CAST: variants seen among roughly 807,000 people sequenced by gnomAD.
The protein encoded by CAST is calpastatin.
A neutral mutation model predicts 119.6 loss-of-function variants in CAST; 76 were observed. The observed-to-expected ratio is 0.64, with a 90% CI of 0.53 to 0.77. The LOEUF is 0.77. CAST is among the 30% of genes least tolerant of loss of function. The pLI is 0.00. For missense variants in CAST, 953 were observed against 946.5 expected (o/e 1.01, Z -0.09); for synonymous variants, 319 against 331.6 (o/e 0.96, Z 0.41).
chr5:96,322,123 C>G, the CAST span, among the ~76,000 whole-genome samples: 1 of 152,198 alleles, frequency 6.6e-6, no homozygotes, highest in Middle Eastern at 3.4e-3. Flanking sequence ...AGAAGGGAGT[C>G]TATTTTATCT....
chr5:96,639,435 A>G (rs1747923310), intron 1 of CAST, among the ~76,000 whole-genome samples: 1 of 152,212 alleles, frequency 6.6e-6, no homozygotes, highest in Non-Finnish European at 1.5e-5. Flanking sequence ...TAATCTTCAC[A>G]TTTTATCTCC....
At chr5:96,102,669 C>T in the CAST span, among the ~76,000 whole-genome samples, 1 of 151,808 alleles carries the variant, frequency 6.6e-6, no homozygotes, top group African/African-American at 2.4e-5. Flanking sequence ...TGTGATGAAC[C>T]TCTTGCCTAA....
chr5:96,174,952 T>G, the CAST span, among the ~76,000 whole-genome samples: 1 of 152,186 alleles, frequency 6.6e-6, no homozygotes, highest in Non-Finnish European at 1.5e-5. Context: ...CTAGGCAAAC[T>G]GATATTAATA....
chr5:96,614,975 C>T (rs1214085344), intron 1 of CAST, among the ~76,000 whole-genome samples: 3 of 152,094 alleles, frequency 2.0e-5, no homozygotes, highest in African/African-American at 7.2e-5. Context: ...TATAGGCAGC[C>T]CCCAAATTTC....
chr5:96,447,336 G>T, the CAST span, among the ~76,000 whole-genome samples: 1 of 152,216 alleles, frequency 6.6e-6, no homozygotes, highest in African/African-American at 2.4e-5. Flanking sequence ...TCAGGCAGTG[G>T]CAGAAGTCAT....
the CAST span, among the ~76,000 whole-genome samples, chr5:96,014,144 ATT>A: frequency 1.6e-3 from 227 of 143,474 alleles, no homozygotes; most frequent in African/African-American, 5.3e-3. Context: ...TTTTGTATTC[ATT>A]TTTTTTTTTT....
Position 96,768,000 on chromosome 5 carries a change from G to T in CAST, c.2268+1G>T. Reference sequence around the variant, plus strand: ...AGAAACCTCACAGAACACAGCAAAGGTACTGTGCTTTTTCACATTTCACTC... The same window carrying T: ...AGAAACCTCACAGAACACAGCAAAGTTACTGTGCTTTTTCACATTTCACTC... On this transcript the variant is annotated splice_donor_variant, in intron 29 of 31. Coordinates refer to ENST00000675179, the MANE Select transcript of CAST (RefSeq NM_001750.7). LOFTEE classifies it high-confidence loss of function. 1 of 1,599,128 alleles carries T rather than the reference G, an allele frequency of 6.3e-7. No individual in the cohort carries two copies. The highest frequency in any genetic ancestry group is 1.3e-5 in the African/African-American group (1 of 74,672).
chr5:96,449,538 G>A, the CAST span, among the ~76,000 whole-genome samples: 2 of 152,136 alleles, frequency 1.3e-5, no homozygotes, highest in African/African-American at 4.8e-5. Context: ...GGAACCGCTG[G>A]TTTACATGAT....
At chr5:96,278,187 T>C in the CAST span, among the ~76,000 whole-genome samples, 2 of 152,164 alleles carry the variant, frequency 1.3e-5, no homozygotes, top group African/African-American at 4.8e-5. Context: ...CAAGCAAGTA[T>C]GTGATTTCAG....
chr5:96,412,756 T>TG, the CAST span, among the ~76,000 whole-genome samples: 37 of 142,300 alleles, frequency 2.6e-4, no homozygotes, highest in African/African-American at 1.0e-3. Flanking sequence ...TGTGATGTTT[T>TG]TTTTTTTTTT....
intron 3 of CAST, among the ~76,000 whole-genome samples, chr5:96,708,030 A>C (rs750135081): frequency 5.3e-4 from 80 of 152,168 alleles, no homozygotes; most frequent in Non-Finnish European, 1.0e-3. Flanking sequence ...CTTATTGTGA[A>C]TGTAGGAAAT....
At chr5:96,167,517 C>A in the CAST span, among the ~76,000 whole-genome samples, 6 of 152,102 alleles carry the variant, frequency 3.9e-5, no homozygotes, top group Non-Finnish European at 7.4e-5. Flanking sequence ...CTGAGAAGGG[C>A]AAGTGGTAAA....
At chr5:96,375,643 A>G in the CAST span, among the ~76,000 whole-genome samples, 1 of 151,954 alleles carries the variant, frequency 6.6e-6, no homozygotes, top group African/African-American at 2.4e-5. Flanking sequence ...ATATTTTAGC[A>G]ATGTGGTTAA....
the CAST span, among the ~76,000 whole-genome samples, chr5:95,963,418 T>C: frequency 6.6e-6 from 1 of 152,222 alleles, no homozygotes; most frequent in Non-Finnish European, 1.5e-5. Context: ...TGTTACTCCA[T>C]CACAGGAAAA....
chr5:96,561,796 G>GTTTTTTTGTTTTTTTTTTTTTTTTTTTT (rs1267067922), intron 1 of CAST, among the ~76,000 whole-genome samples: 1 of 97,422 alleles, frequency 1.0e-5, no homozygotes, highest in Admixed American at 1.4e-4. Flanking sequence ...GTTTTTTTTT[G>GTTTTTTTGTTTTTTTTTTTTTTTTTTTT]TTTTTTTTTT....
chr5:96,603,413 T>G (rs929842544), intron 1 of CAST, among the ~76,000 whole-genome samples: 1 of 152,202 alleles, frequency 6.6e-6, no homozygotes, highest in African/African-American at 2.4e-5. Context: ...TTTAACCTTT[T>G]AAAAGCTTTT....
chr5:96,261,400 A>T, the CAST span, among the ~76,000 whole-genome samples: 2 of 152,240 alleles, frequency 1.3e-5, no homozygotes, highest in African/African-American at 2.4e-5. Flanking sequence ...ACAGTGGGAC[A>T]AGATGATGGA....
the CAST span, among the ~76,000 whole-genome samples, chr5:96,467,208 A>G: frequency 1.4e-4 from 21 of 151,610 alleles, no homozygotes; most frequent in Admixed American, 7.2e-4. Flanking sequence ...AAGTTTTAAG[A>G]GTTCTTTGTA....
At chr5:96,197,528 A>T in the CAST span, among the ~76,000 whole-genome samples, 1 of 152,148 alleles carries the variant, frequency 6.6e-6, no homozygotes, top group Non-Finnish European at 1.5e-5. Context: ...GTACAGCTGG[A>T]AGGGGCTGGA....
Sources: gnomAD v4.1 joint callset for allele counts (sites outside exome capture counted in the v4.1 genomes callset) on GRCh38, gnomAD v4.1.1 for gene constraint, MANE v1.5 for transcripts, NCBI Gene and HGNC (gene_info 2026-07-23, HGNC 2026-07-21) for gene names.